Variants in SCN11A observed in about 807,000 individuals in gnomAD.
SCN11A encodes sodium voltage-gated channel alpha subunit 11.
SCN11A carries 122 observed loss-of-function variants against 162.2 expected under a neutral mutation model. The observed-to-expected ratio is 0.75, with a 90% CI of 0.65 to 0.87. SCN11A has a LOEUF of 0.87. Ranked by LOEUF, SCN11A falls within the 40% of genes least tolerant of loss-of-function variation. The probability of loss-of-function intolerance (pLI) is 0.00; values close to 1 mark genes in which losing one functional copy is unlikely to be tolerated. For missense variants in SCN11A, 2,015 were observed against 2,181.6 expected (o/e 0.92, Z 1.52); for synonymous variants, 758 against 751.5 (o/e 1.01, Z -0.14).
intron 19 of SCN11A, among the ~76,000 whole-genome samples, chr3:38,890,423 T>C (rs1308782800): frequency 6.6e-6 from 1 of 152,212 alleles, no homozygotes; most frequent in African/African-American, 2.4e-5. Flanking sequence ...ATTTTGATCA[T>C]AAGCAAATAA....
intron 2 of SCN11A, among the ~76,000 whole-genome samples, chr3:39,023,164 T>G (rs1052497612): frequency 6.6e-6 from 1 of 152,210 alleles, no homozygotes; most frequent in Admixed American, 6.5e-5. Flanking sequence ...CAATATAATC[T>G]GGAAAGGGGG....
chr3:38,987,093 T>A (rs2030273769), intron 2 of SCN11A, among the ~76,000 whole-genome samples: 1 of 151,908 alleles, frequency 6.6e-6, no homozygotes, highest in Admixed American at 6.5e-5. Context: ...ACACAGTACA[T>A]AGTGACTAAT....
chr3:38,909,583 C>CTT (rs57060960), intron 12 of SCN11A, among the ~76,000 whole-genome samples: 12 of 133,484 alleles, frequency 9.0e-5, no homozygotes, highest in East Asian at 2.1e-4. Flanking sequence ...CTTGAAGTTT[C>CTT]TTTTTTTTTT....
chr3:39,024,878 A>T (rs1373009465), intron 2 of SCN11A, among the ~76,000 whole-genome samples: 2 of 152,180 alleles, frequency 1.3e-5, no homozygotes, highest in African/African-American at 4.8e-5. Flanking sequence ...TTTGAACCTA[A>T]GCATGAAAAT....
chr3:38,998,559 A>G (rs2030712628), intron 2 of SCN11A, among the ~76,000 whole-genome samples: 2 of 152,216 alleles, frequency 1.3e-5, no homozygotes, highest in Non-Finnish European at 2.9e-5. Context: ...ATTACTGGGT[A>G]TATACCCAAA....
At chr3:38,923,834 T>A (rs1575297035) in intron 9 of SCN11A, among the ~76,000 whole-genome samples, 1 of 152,126 alleles carries the variant, frequency 6.6e-6, no homozygotes, top group East Asian at 1.9e-4. Context: ...AACTTCAGAC[T>A]GCAGCTCAAG....
intron 2 of SCN11A, among the ~76,000 whole-genome samples, chr3:39,017,000 G>A (rs2031306860): frequency 6.6e-6 from 1 of 152,124 alleles, no homozygotes; most frequent in Admixed American, 6.5e-5. Flanking sequence ...ACTAGTGCTT[G>A]AACTGACTGT....
intron 2 of SCN11A, among the ~76,000 whole-genome samples, chr3:38,970,786 T>C (rs1333284322): frequency 6.6e-6 from 1 of 152,196 alleles, no homozygotes; most frequent in Admixed American, 6.5e-5. Context: ...GTCAGCACCA[T>C]GGGCCGTGAG....
rs1316248205 is a variant in SCN11A at position 39,051,919 on chromosome 3, T to A, written c.-462A>T. ...ACAGCACCGAGGAAACACAACAGCC[T>A]GTTTACCTTCAGCCCCGCCACTAAC... On this transcript the variant is annotated 5_prime_UTR_variant, in exon 1 of 30. Transcript: ENST00000302328. 2 of 1,389,900 alleles carry A rather than the reference T, an allele frequency of 1.4e-6. No homozygotes were observed. The highest frequency in any genetic ancestry group is 4.7e-5 in the East Asian group (2 of 42,468). 86.1% of individuals were successfully genotyped at this position (1,389,900 alleles called of 1,614,324 possible).
intron 1 of SCN11A, among the ~76,000 whole-genome samples, 187 bp downstream of exon 1, chr3:39,051,674 T>G (rs930962926): frequency 6.6e-6 from 1 of 152,124 alleles, no homozygotes; most frequent in African/African-American, 2.4e-5. Context: ...CAGCGCCATG[T>G]CTAGCACTGT....
At chr3:38,999,918 T>C (rs2030757012) in intron 2 of SCN11A, among the ~76,000 whole-genome samples, 1 of 152,200 alleles carries the variant, frequency 6.6e-6, no homozygotes, top group Non-Finnish European at 1.5e-5. Context: ...GTGAAAGTAC[T>C]AATTGGAAGA....
chr3:38,904,685 T>C (rs1027579647), intron 15 of SCN11A, among the ~76,000 whole-genome samples: 5 of 152,152 alleles, frequency 3.3e-5, no homozygotes, highest in African/African-American at 7.2e-5. Context: ...GAGTAAATCC[T>C]GCTCCTGAAC....
chr3:39,021,944 C>G (rs2031461748), intron 2 of SCN11A, among the ~76,000 whole-genome samples: 1 of 152,224 alleles, frequency 6.6e-6, no homozygotes, highest in Admixed American at 6.5e-5. Flanking sequence ...TGTTATACCC[C>G]CTCCCTGACT....
chr3:38,950,475 A>G, intron 4 of SCN11A, 106 bp from the exon 5 acceptor site: 1 of 1,204,118 alleles, frequency 8.3e-7, no homozygotes, highest in Non-Finnish European at 1.2e-6. Flanking sequence ...ATAAGGATCT[A>G]CAAAAGCTGA....
At chr3:39,043,035 C>A (rs547174884) in intron 1 of SCN11A, among the ~76,000 whole-genome samples, 1 of 148,476 alleles carries the variant, frequency 6.7e-6, no homozygotes, top group Non-Finnish European at 1.5e-5. Flanking sequence ...CAAAACAAGA[C>A]GTACAAATGG....
At position 38,870,699 on chromosome 3, in the gene SCN11A, A is replaced by T; in HGVS notation, c.3805T>A (p.Ser1269Thr). Residue 1269 changes from serine (S) to threonine (T), a missense_variant, in exon 26 of 30, where the codon TCC becomes ACC. Transcript: ENST00000302328. Reference protein sequence around the residue: ...WMDIIYAAVDSTEKEQQPEFE... With the variant: ...WMDIIYAAVDTTEKEQQPEFE... Reference sequence around the variant, plus strand: ...GTAGAACACTGACTCACCTCTGTGGAATCAACAGCTGCATATATAATATCC... The same window carrying T: ...GTAGAACACTGACTCACCTCTGTGGTATCAACAGCTGCATATATAATATCC... The T allele has an allele frequency of 6.2e-7, 1 of 1,613,452 alleles. No individual in the cohort carries two copies. Among genetic ancestry groups the T allele is most frequent in the Non-Finnish European group, 8.5e-7 (1 of 1,179,454 alleles).
At chr3:38,927,781 C>T (rs1321731986) in intron 7 of SCN11A, among the ~76,000 whole-genome samples, 2 of 152,098 alleles carry the variant, frequency 1.3e-5, no homozygotes, top group Non-Finnish European at 2.9e-5. Flanking sequence ...TGAGAACTCA[C>T]TATTACGAGA....
intron 2 of SCN11A, among the ~76,000 whole-genome samples, chr3:38,989,296 A>G (rs903838764): frequency 6.6e-5 from 10 of 152,176 alleles, no homozygotes; most frequent in Non-Finnish European, 1.5e-4. Context: ...GCCCCTGCCT[A>G]AAAGTTTTTT....
intron 2 of SCN11A, among the ~76,000 whole-genome samples, chr3:39,014,535 T>C (rs2103150): frequency 0.69 from 104,698 of 152,128 alleles, 37,634 homozygotes; most frequent in African/African-American, 0.92. Flanking sequence ...GTATTGTCTC[T>C]CAATTATGTC....
Sources: allele counts gnomAD v4.1 joint callset (sites outside exome capture counted in the v4.1 genomes callset), GRCh38; gene constraint gnomAD v4.1.1; transcripts MANE v1.5; gene names NCBI Gene and HGNC (gene_info 2026-07-23, HGNC 2026-07-21).